The following SLC39A14 variants were observed in gnomAD, a reference collection of about 807,000 sequenced individuals.
SLC39A14 encodes the protein solute carrier family 39 member 14, also known as metal cation symporter ZIP14.
SLC39A14 carries 19 observed loss-of-function variants against 45.5 expected under a neutral mutation model. That is an observed-to-expected ratio of 0.42 (90% CI 0.29 to 0.61). The LOEUF is 0.61. Among genes scored for constraint, SLC39A14 ranks in the 20% least tolerant of loss-of-function variants. SLC39A14 has a pLI of 0.22. For missense variants in SLC39A14, 447 were observed against 616.5 expected (o/e 0.73, Z 2.91); for synonymous variants, 264 against 251.3 (o/e 1.05, Z -0.48).
chr8:22,412,071 C>G lies in SLC39A14; in HGVS notation c.492C>G (p.Ile164Met). The G allele has an allele frequency of 6.4e-7, 1 of 1,551,650 alleles. No individual in the cohort carries two copies. Among genetic ancestry groups the G allele is most frequent in the South Asian group, 1.2e-5 (1 of 84,070 alleles). Residue 164 changes from isoleucine (I) to methionine (M), a missense_variant, in exon 4 of 9, where the codon ATC (isoleucine) becomes ATG (methionine). By Grantham distance (10) the Ile-to-Met change is conservative. This residue lies in a region of SLC39A14 where 342 missense variants were observed against 428.1 expected (regional missense o/e 0.80). Transcript: ENST00000381237. ...ACGGTCTCCTCTGTGTGACCGTCATCTCCCTCTGCTCCCTCCTGGGGGCCA... is the reference window on the plus strand; with the variant it reads ...ACGGTCTCCTCTGTGTGACCGTCATGTCCCTCTGCTCCCTCCTGGGGGCCA... ...WGYGLLCVTV[I>M]SLCSLLGASV...
At chr8:22,403,126 G>A (rs1353068130) in intron 1 of SLC39A14, among the ~76,000 whole-genome samples, 1 of 151,458 alleles carries the variant, frequency 6.6e-6, no homozygotes, top group Non-Finnish European at 1.5e-5. Context: ...ACAGGCGCCC[G>A]CCACCACACC....
chr8:22,428,201 G>A (rs1446220789), intron 8 of SLC39A14, among the ~76,000 whole-genome samples: 1 of 152,028 alleles, frequency 6.6e-6, no homozygotes, highest in Admixed American at 6.6e-5. Flanking sequence ...AGAGGCTGAG[G>A]CAGGAGAATC....
At chr8:22,393,168 G>C in intron 1 of SLC39A14, 2 of 984,616 alleles carry the variant, frequency 2.0e-6, no homozygotes, top group Non-Finnish European at 2.4e-6. Context: ...CGCTTTGACT[G>C]TGCCAAGGCT....
At chr8:22,426,267 C>A (rs1320321151), downstream of SLC39A14, among the ~76,000 whole-genome samples, 2 of 152,134 alleles carry the variant, frequency 1.3e-5, no homozygotes, top group Non-Finnish European at 2.9e-5. Context: ...TCGATCATGG[C>A]TCGCTGCAGC....
At position 22,415,923 on chromosome 8, in the gene SLC39A14, A is replaced by G. The variant is rs572471122; in HGVS notation, c.905A>G (p.Asp302Gly). Residue 302 changes from aspartate (D) to glycine (G), a missense_variant, in exon 6 of 9, where the codon GAC (aspartate) becomes GGC (glycine). This residue lies in a region of SLC39A14 where 342 missense variants were observed against 428.1 expected (regional missense o/e 0.80). Coordinates refer to ENST00000381237, the MANE Select transcript of SLC39A14 (RefSeq NM_001128431.4). ...CTGGACGGCAAGGCGCCCATGGTGG[A>G]CGAGAAGGTCATTGTGGGCTCGCTC... ...SELDGKAPMV[D>G]EKVIVGSLSV... 93 of 1,608,372 alleles carry G rather than the reference A, an allele frequency of 5.8e-5. No individual in the cohort carries two copies. The South Asian group carries it at 8.9e-4, about 15-fold the overall frequency.
intron 1 of SLC39A14, among the ~76,000 whole-genome samples, chr8:22,391,779 A>G (rs192390157): frequency 2.0e-5 from 3 of 152,302 alleles, no homozygotes; most frequent in Admixed American, 2.0e-4. Flanking sequence ...CACTTTGGCC[A>G]GGGTGGTCTT....
At chr8:22,393,314 G>C (rs556841031) in intron 1 of SLC39A14, 1 of 880,654 alleles carries the variant, frequency 1.1e-6, no homozygotes, top group Non-Finnish European at 1.4e-6. Flanking sequence ...AGGGCCAAGC[G>C]AGGGTTGGTT....
At chr8:22,413,241 C>A (rs764645903) in intron 4 of SLC39A14, among the ~76,000 whole-genome samples, 2 of 152,194 alleles carry the variant, frequency 1.3e-5, no homozygotes, top group Admixed American at 6.5e-5. Flanking sequence ...TGACTGCATG[C>A]GCCTCTTACA....
Position 22,421,752 on chromosome 8 carries a change from T to G in SLC39A14, c.*2054T>G. On this transcript the variant is annotated 3_prime_UTR_variant, in exon 9 of 9. Coordinates refer to ENST00000381237, the MANE Select transcript of SLC39A14 (RefSeq NM_001128431.4). ...AATAGATCCTATCATTCCTTAAACATAATACCCTTTGTCTTGGAGTAGAAT... is the reference window on the plus strand; with the variant it reads ...AATAGATCCTATCATTCCTTAAACAGAATACCCTTTGTCTTGGAGTAGAAT... The G allele has an allele frequency of 1.0e-6, 1 of 984,362 alleles. No homozygotes were observed. The highest frequency in any genetic ancestry group is 1.2e-6 in the Non-Finnish European group (1 of 828,782). 61.0% of individuals were successfully genotyped at this position (984,362 alleles called of 1,614,324 possible). A position where few individuals can be genotyped will look rare whatever the true frequency, so the allele number is the denominator to read the frequency against.
In SLC39A14 at chr8:22,412,186, C is replaced by T; in HGVS notation, c.607C>T (p.Leu203Phe). 6.4e-7 allele frequency: 1 copy of T among 1,551,720 alleles called. No homozygotes were observed. The highest frequency in any genetic ancestry group is 1.4e-5 in the African/African-American group (1 of 73,192). The change falls in exon 4 of 9, where the codon CTC becomes TTC. Residue 203 changes from leucine to phenylalanine, a missense_variant. This residue lies in a region of SLC39A14 where 342 missense variants were observed against 428.1 expected (regional missense o/e 0.80). Coordinates refer to ENST00000381237, the MANE Select transcript of SLC39A14 (RefSeq NM_001128431.4). The stretch of plus-strand genomic sequence containing the variant: ...GATTGGAACCCTCTACTCCAACGCC[C>T]TCTTCCAGCTCATCCCGGAGGTATG... ...LAIGTLYSNA[L>F]FQLIPEAFGF... is the part of the protein sequence containing the mutation.
chr8:22,399,833 C>T (rs1022341326), intron 1 of SLC39A14, among the ~76,000 whole-genome samples: 3 of 152,230 alleles, frequency 2.0e-5, no homozygotes, highest in African/African-American at 7.2e-5. Flanking sequence ...CTAAAATCAC[C>T]CTGAGTTTCC....
rs1836157996 is a variant in SLC39A14, at chr8:22,420,406, C to CT, written c.*709dup. 1 of 985,322 alleles carries CT rather than the reference C, an allele frequency of 1.0e-6. No individual in the cohort carries two copies. Among genetic ancestry groups the CT allele is most frequent in the African/African-American group, 1.7e-5 (1 of 57,230 alleles). The allele number at this position is 985,322 out of a possible 1,614,324, so 61.0% of individuals were successfully genotyped here. On this transcript the variant is annotated 3_prime_UTR_variant, in exon 9 of 9. Transcript: ENST00000381237. ...GGTGTTTCACGGCTGTCCGAGTGAGCTAACGTGGCGGTGTGGCTGCCTGGA... is the reference window on the plus strand; with the variant it reads ...GGTGTTTCACGGCTGTCCGAGTGAGCTTAACGTGGCGGTGTGGCTGCCTGGA...
At chr8:22,418,998 G>A (rs575622806) in intron 8 of SLC39A14, among the ~76,000 whole-genome samples, 58 of 151,226 alleles carry the variant, frequency 3.8e-4, no homozygotes, top group African/African-American at 1.3e-3. Context: ...CACTGCACTC[G>A]AGCCTGGGCA....
intron 1 of SLC39A14, among the ~76,000 whole-genome samples, chr8:22,368,629 C>T (rs1485912102): frequency 2.0e-5 from 3 of 152,090 alleles, no homozygotes; most frequent in African/African-American, 2.4e-5. Context: ...CTCCGCCTCC[C>T]GGGTTCAAGC....
Position 22,422,588 on chromosome 8 carries a change from A to G in SLC39A14, c.*2890A>G. Reference sequence around the variant, plus strand: ...GTATTTTTTTAAATAACTCAGGTGTATGAGAAGAAATTAGAAAAGAAAATT... The same window carrying G: ...GTATTTTTTTAAATAACTCAGGTGTGTGAGAAGAAATTAGAAAAGAAAATT... On this transcript the variant is annotated 3_prime_UTR_variant, in exon 9 of 9. Transcript: ENST00000381237. 1.0e-6 allele frequency: 1 copy of G among 984,358 alleles called. No homozygotes were observed. The highest frequency in any genetic ancestry group is 1.2e-6 in the Non-Finnish European group (1 of 828,642). 61.0% of individuals were successfully genotyped at this position (984,358 alleles called of 1,614,324 possible). A position where few individuals can be genotyped will look rare whatever the true frequency, so the allele number is the denominator to read the frequency against.
chr8:22,372,786 T>C (rs1833003397), intron 1 of SLC39A14, among the ~76,000 whole-genome samples: 1 of 152,286 alleles, frequency 6.6e-6, no homozygotes, highest in East Asian at 1.9e-4. Context: ...GATAGTATAT[T>C]AAAAATTAAA....
chr8:22,433,682 C>G (rs151084750), intron 8 of SLC39A14, among the ~76,000 whole-genome samples: 90 of 152,014 alleles, frequency 5.9e-4, no homozygotes, highest in African/African-American at 2.1e-3. Context: ...ATCTCAGCCT[C>G]CCAAGTAGCT....
intron 1 of SLC39A14, among the ~76,000 whole-genome samples, chr8:22,375,994 A>G (rs1250958768): frequency 6.6e-6 from 1 of 152,150 alleles, no homozygotes; most frequent in Non-Finnish European, 1.5e-5. Flanking sequence ...AACGTCACCA[A>G]TATTTTCACT....
intron 1 of SLC39A14, among the ~76,000 whole-genome samples, chr8:22,404,338 A>C (rs1253819214): frequency 6.6e-6 from 1 of 151,496 alleles, no homozygotes; most frequent in African/African-American, 2.4e-5. Flanking sequence ...GAGGCAGGAG[A>C]ATCACTTGAA....
Sources: gnomAD v4.1 joint callset for allele counts (sites outside exome capture counted in the v4.1 genomes callset) on GRCh38, gnomAD v4.1.1 for gene constraint, gnomAD v4.1.1 regional missense constraint, MANE v1.5 for transcripts, NCBI Gene and HGNC (gene_info 2026-07-23, HGNC 2026-07-21) for gene names.